Variants in SYN2 observed in about 807,000 individuals in gnomAD.
SYN2 encodes the protein synapsin II.
SYN2 carries 19 observed loss-of-function variants against 50.9 expected under a neutral mutation model. The ratio of observed to expected loss-of-function variants is 0.37; its 90% confidence interval spans 0.26 to 0.55. The LOEUF (loss-of-function observed/expected upper bound fraction) is 0.55. SYN2 is among the 20% of genes least tolerant of loss of function. SYN2 has a pLI of 0.81. For missense variants in SYN2, 587 were observed against 576.4 expected (o/e 1.02, Z -0.19); for synonymous variants, 255 against 224.9 (o/e 1.13, Z -1.20).
intron 1 of SYN2, among the ~76,000 whole-genome samples, chr3:12,072,151 C>G (rs1446201436): frequency 6.6e-6 from 1 of 151,932 alleles, no homozygotes; most frequent in African/African-American, 2.4e-5. Context: ...GCAGAAATAT[C>G]TATTTAAATC....
chr3:12,169,312 T>G (rs1014969193), intron 9 of SYN2, among the ~76,000 whole-genome samples: 5 of 152,186 alleles, frequency 3.3e-5, no homozygotes, highest in Non-Finnish European at 7.4e-5. Flanking sequence ...GGGATGAACC[T>G]GGTCATTTAG....
chr3:12,090,439 G>T (rs1392878804), intron 1 of SYN2, among the ~76,000 whole-genome samples: 1 of 152,156 alleles, frequency 6.6e-6, no homozygotes, highest in African/African-American at 2.4e-5. Context: ...GTAGTGGAAG[G>T]AATGCTAAGC....
intron 1 of SYN2, among the ~76,000 whole-genome samples, chr3:12,045,923 G>GAA (rs1694728310): frequency 6.6e-6 from 1 of 152,122 alleles, no homozygotes; most frequent in Middle Eastern, 3.2e-3. Flanking sequence ...GAGAAGCATG[G>GAA]GATTTGGAGT....
intron 1 of SYN2, among the ~76,000 whole-genome samples, chr3:12,028,210 A>C (rs1050806716): frequency 6.6e-6 from 1 of 151,692 alleles, no homozygotes; most frequent in Non-Finnish European, 1.5e-5. Context: ...TGAACTCATC[A>C]TTTTTTATGG....
rs17854681 is a variant in SYN2 at position 12,190,573 on chromosome 3, C to T, written c.1697C>T (p.Ala566Val). The T allele has an allele frequency of 9.3e-6, 15 of 1,613,224 alleles. No homozygotes were observed. Among genetic ancestry groups the T allele is most frequent in the Middle Eastern group, 1.6e-4 (1 of 6,084 alleles). The part of the protein sequence containing the change: ...RSSANEDEAK[A>V]ETIRSLRKSF... ...TCAGCCAATGAGGATGAAGCCAAAG[C>T]AGAGACCATCCGGAGCTTGAGGAAG... The change falls in exon 13 of 13, where the codon GCA (alanine) becomes GTA (valine). Residue 566 changes from alanine (A) to valine (V), a missense_variant. Transcript: ENST00000621198.
At chr3:12,019,325 T>C (rs1433985071) in intron 1 of SYN2, among the ~76,000 whole-genome samples, 4 of 152,196 alleles carry the variant, frequency 2.6e-5, no homozygotes, top group Admixed American at 2.6e-4. Flanking sequence ...AGTGAGCCCG[T>C]GAGCTAACCA....
rs540921663 is a variant in SYN2, at chr3:12,115,264, T to C, written c.378-25387T>C. On this transcript the variant is annotated intron_variant, in intron 1 of 12. Transcript: ENST00000621198. ...TCCGGTTTATCATTAGTACTGCTCT[T>C]TAGGACCTAAAGGAATGCATGGTGG... Among the ~76,000 whole-genome samples the C allele has an allele frequency of 4.6e-5, 7 of 152,288 alleles. No individual in the cohort carries two copies. In the South Asian group the frequency reaches 1.2e-3, roughly 27 times the overall value.
In SYN2 at chr3:12,124,881, G is replaced by A. The variant is rs142552050; in HGVS notation, c.378-15770G>A. Among the ~76,000 whole-genome samples, 495 of 152,242 alleles carry A rather than the reference G, an allele frequency of 3.3e-3. 1 individual carries two copies. Among genetic ancestry groups the A allele is most frequent in the African/African-American group, 0.011 (476 of 41,538 alleles). On this transcript the variant is annotated intron_variant, in intron 1 of 12. Coordinates refer to ENST00000621198, the MANE Select transcript of SYN2 (RefSeq NM_133625.6). ...TAGGATTGGGGAGGAATATGCAAGC[G>A]ATTTCAACAGTGTATATTAATATAG...
chr3:12,074,270 C>T (rs570584833), intron 1 of SYN2, among the ~76,000 whole-genome samples: 2 of 152,214 alleles, frequency 1.3e-5, no homozygotes, highest in African/African-American at 4.8e-5. Context: ...TTTTCAAAAT[C>T]AATCTGACAG....
intron 1 of SYN2, among the ~76,000 whole-genome samples, chr3:12,107,632 G>A (rs750660702): frequency 1.3e-5 from 2 of 152,126 alleles, no homozygotes; most frequent in African/African-American, 4.8e-5. Context: ...CAGTGAGTGC[G>A]GTGGCTCACG....
chr3:12,151,959 A>G (rs928630744), intron 5 of SYN2, among the ~76,000 whole-genome samples: 2 of 152,164 alleles, frequency 1.3e-5, no homozygotes, highest in Non-Finnish European at 1.5e-5. Context: ...GCTATTGCCA[A>G]TGTTTTTCCC....
chr3:12,155,389 A>G (rs1040077591), intron 5 of SYN2, among the ~76,000 whole-genome samples: 2 of 152,224 alleles, frequency 1.3e-5, no homozygotes, highest in Non-Finnish European at 2.9e-5. Flanking sequence ...AAGGTGTCTC[A>G]GAGAAGACTG....
chr3:12,176,927 AAGCAGGAGCAGGATGAGC>A (rs1210867528), intron 10 of SYN2, among the ~76,000 whole-genome samples: 1 of 152,178 alleles, frequency 6.6e-6, no homozygotes, highest in Non-Finnish European at 1.5e-5. Context: ...GCTGATGTTC[AAGCAGGAGCAGGATGAGC>A]AGCTTGTAAG....
intron 5 of SYN2, among the ~76,000 whole-genome samples, chr3:12,158,332 G>C (rs961559458): frequency 3.3e-5 from 5 of 152,210 alleles, no homozygotes; most frequent in Admixed American, 6.5e-5. Context: ...GGCCTGGACA[G>C]ACACGGGTAG....
chr3:12,133,139 A>G (rs983333653), intron 1 of SYN2, among the ~76,000 whole-genome samples: 1 of 152,240 alleles, frequency 6.6e-6, no homozygotes, highest in Non-Finnish European at 1.5e-5. Flanking sequence ...AATGTTAACT[A>G]AGACACCATG....
chr3:12,172,196 C>G (rs1379646440), intron 10 of SYN2, among the ~76,000 whole-genome samples: 1 of 152,192 alleles, frequency 6.6e-6, no homozygotes, highest in Non-Finnish European at 1.5e-5. Context: ...AGTTACTTCC[C>G]ATCTCTAGAC....
At chr3:12,153,586 C>T (rs1326802378) in intron 5 of SYN2, 3 of 1,614,130 alleles carry the variant, frequency 1.9e-6, no homozygotes, top group South Asian at 2.2e-5. Flanking sequence ...CAGGTGCCGT[C>T]AACATGCTTC....
intron 1 of SYN2, among the ~76,000 whole-genome samples, chr3:12,127,475 G>T (rs1433749191): frequency 3.3e-5 from 5 of 152,172 alleles, no homozygotes; most frequent in African/African-American, 1.2e-4. Context: ...TCCATTCAGA[G>T]CCTGTGTGGT....
At chr3:12,119,598 G>A (rs887900265) in intron 1 of SYN2, among the ~76,000 whole-genome samples, 1 of 152,086 alleles carries the variant, frequency 6.6e-6, no homozygotes, top group Non-Finnish European at 1.5e-5. Flanking sequence ...GCACATACAG[G>A]CAACTTTTGT....
Sources: gnomAD v4.1 joint callset for allele counts (sites outside exome capture counted in the v4.1 genomes callset) on GRCh38, gnomAD v4.1.1 for gene constraint, MANE v1.5 for transcripts, NCBI Gene and HGNC (gene_info 2026-07-23, HGNC 2026-07-21) for gene names.